The following SLC24A2 variants were observed in gnomAD, a reference collection of about 807,000 sequenced individuals.
The protein encoded by SLC24A2 is solute carrier family 24 member 2, also known as sodium/potassium/calcium exchanger 2.
SLC24A2 carries 36 observed loss-of-function variants against 62.0 expected under a neutral mutation model. That is an observed-to-expected ratio of 0.58 (90% CI 0.44 to 0.77). The LOEUF is 0.77. Among genes scored for constraint, SLC24A2 ranks in the 30% least tolerant of loss-of-function variants. The pLI, the probability that SLC24A2 is intolerant of heterozygous loss-of-function variation, is 0.00. For synonymous variants in SLC24A2, 358 were observed against 294.0 expected (o/e 1.22, Z -2.23); for missense variants, 846 against 817.9 (o/e 1.03, Z -0.42).
chr9:19,560,952 G>C (rs1361467305), intron 7 of SLC24A2, among the ~76,000 whole-genome samples: 1 of 144,274 alleles, frequency 6.9e-6, no homozygotes, highest in African/African-American at 2.6e-5. Context: ...GAGAGACAGA[G>C]TCTTACTCTG....
chr9:19,962,014 G>C, the SLC24A2 span, among the ~76,000 whole-genome samples: 1 of 152,110 alleles, frequency 6.6e-6, no homozygotes, highest in South Asian at 2.1e-4. Context: ...CTATGTTTGG[G>C]GATAATTGTT....
At chr9:19,990,608 TAAAAAAACAAAAAA>T in the SLC24A2 span, among the ~76,000 whole-genome samples, 1 of 42,012 alleles carries the variant, frequency 2.4e-5, no homozygotes, top group African/African-American at 1.3e-4. Context: ...AGACTCCACC[TAAAAAAACAAAAAA>T]AAAAAAACAA....
the SLC24A2 span, among the ~76,000 whole-genome samples, chr9:19,830,245 C>T: frequency 2.6e-5 from 4 of 152,280 alleles, no homozygotes; most frequent in East Asian, 7.7e-4. Context: ...TTTTGTTTCA[C>T]ATATGTCAGG....
chr9:19,789,040 G>A (rs1402043441), upstream of SLC24A2: 1 of 727,616 alleles, frequency 1.4e-6, no homozygotes, highest in African/African-American at 1.9e-5. Flanking sequence ...AGGAGACTGA[G>A]CCGCTGTGAG....
At chr9:20,303,446 T>C in the SLC24A2 span, among the ~76,000 whole-genome samples, 1 of 152,210 alleles carries the variant, frequency 6.6e-6, no homozygotes, top group Non-Finnish European at 1.5e-5. Flanking sequence ...TTTAACGTAT[T>C]CATTTTAAAT....
the SLC24A2 span, among the ~76,000 whole-genome samples, chr9:20,161,604 A>G: frequency 1.3e-5 from 2 of 151,464 alleles, no homozygotes; most frequent in South Asian, 4.1e-4. Flanking sequence ...CCCTATAATA[A>G]GTCTAAAAGA....
chr9:19,563,866 T>C (rs369521103), intron 7 of SLC24A2, among the ~76,000 whole-genome samples: 2 of 100,876 alleles, frequency 2.0e-5, no homozygotes, highest in South Asian at 4.1e-4. Context: ...CCCTCCCTCC[T>C]TTCCTTTCGA....
intron 2 of SLC24A2, among the ~76,000 whole-genome samples, chr9:19,649,587 G>T (rs568429610): frequency 6.6e-6 from 1 of 152,258 alleles, no homozygotes; most frequent in Admixed American, 6.5e-5. Context: ...CATTTGGAGA[G>T]AGTACAACTG....
chr9:19,745,963 T>C (rs183712653), intron 2 of SLC24A2, among the ~76,000 whole-genome samples: 84 of 152,268 alleles, frequency 5.5e-4, no homozygotes, highest in African/African-American at 2.0e-3. Flanking sequence ...AGAAATACTA[T>C]TTTTTTCTAC....
chr9:20,278,195 G>A, the SLC24A2 span, among the ~76,000 whole-genome samples: 1 of 151,486 alleles, frequency 6.6e-6, no homozygotes, highest in Non-Finnish European at 1.5e-5. Flanking sequence ...GTAACAAACC[G>A]GCACACTGTG....
intron 2 of SLC24A2, among the ~76,000 whole-genome samples, chr9:19,636,984 A>G (rs1425611936): frequency 6.6e-6 from 1 of 152,218 alleles, no homozygotes; most frequent in Non-Finnish European, 1.5e-5. Flanking sequence ...TTGGAATGTT[A>G]TTTGGAAAAA....
At chr9:19,769,032 C>A (rs1402239166) in intron 2 of SLC24A2, among the ~76,000 whole-genome samples, 1 of 152,138 alleles carries the variant, frequency 6.6e-6, no homozygotes, top group African/African-American at 2.4e-5. Context: ...AGTCTGAATT[C>A]CAGACTCATA....
the SLC24A2 span, among the ~76,000 whole-genome samples, chr9:20,225,638 C>T: frequency 7.5e-6 from 1 of 134,026 alleles, no homozygotes; most frequent in Non-Finnish European, 1.5e-5. Flanking sequence ...TTCTACTTAT[C>T]TCCCTGATGC....
chr9:19,851,028 T>TA, the SLC24A2 span, among the ~76,000 whole-genome samples: 11 of 61,300 alleles, frequency 1.8e-4, no homozygotes, highest in African/African-American at 8.6e-4. Context: ...TATATACATA[T>TA]TTTTTTTTTT....
At chr9:20,264,017 G>A in the SLC24A2 span, among the ~76,000 whole-genome samples, 1 of 152,036 alleles carries the variant, frequency 6.6e-6, no homozygotes, top group Non-Finnish European at 1.5e-5. Context: ...GGAATAATTA[G>A]CTCTTGACAA....
chr9:19,617,060 A>C (rs1213618018), intron 4 of SLC24A2, among the ~76,000 whole-genome samples: 1 of 152,170 alleles, frequency 6.6e-6, no homozygotes, highest in East Asian at 1.9e-4. Context: ...AGCGGTCCCC[A>C]AGCTTTTCTA....
chr9:20,150,039 A>G, the SLC24A2 span, among the ~76,000 whole-genome samples: 367 of 152,174 alleles, frequency 2.4e-3, 1 homozygote, highest in Non-Finnish European at 2.4e-3. Context: ...TAGAAACGAC[A>G]TGTATTCCTT....
the SLC24A2 span, among the ~76,000 whole-genome samples, chr9:20,214,830 T>G: frequency 6.6e-6 from 1 of 152,140 alleles, no homozygotes; most frequent in African/African-American, 2.4e-5. Context: ...CACATAAATG[T>G]AACTCAATAA....
At chr9:20,264,007 G>A in the SLC24A2 span, among the ~76,000 whole-genome samples, 1 of 152,010 alleles carries the variant, frequency 6.6e-6, no homozygotes, top group Non-Finnish European at 1.5e-5. Context: ...CCACGTATCT[G>A]GAATAATTAG....
Sources: allele counts gnomAD v4.1 joint callset (sites outside exome capture counted in the v4.1 genomes callset), GRCh38; gene constraint gnomAD v4.1.1; transcripts MANE v1.5; gene names NCBI Gene and HGNC (gene_info 2026-07-23, HGNC 2026-07-21).